Variants in DNAAF9 observed in about 807,000 individuals in gnomAD.
DNAAF9 encodes the protein shulin.
Under a neutral mutation model 167.0 loss-of-function variants are expected in DNAAF9, and 90 were observed. That is an observed-to-expected ratio of 0.54 (90% CI 0.45 to 0.64). The LOEUF is 0.64. Among genes scored for constraint, DNAAF9 ranks in the 30% least tolerant of loss-of-function variants. The pLI, the probability that DNAAF9 is intolerant of heterozygous loss-of-function variation, is 0.00. For missense variants in DNAAF9, 1,315 were observed against 1,442.2 expected, an observed-to-expected ratio of 0.91 and a Z score of 1.43; for synonymous variants, 491 against 508.8, an observed-to-expected ratio of 0.96 and a Z score of 0.47.
At chr20:3,376,080 C>T in intron 4 of DNAAF9, 98 bp downstream of exon 4, 3 of 1,101,840 alleles carry the variant, frequency 2.7e-6, no homozygotes, top group Non-Finnish European at 3.9e-6. Context: ...TATAGTCACA[C>T]TCTGCAATTT....
chr20:3,265,262 C>T (rs2068467831), intron 30 of DNAAF9, among the ~76,000 whole-genome samples: 1 of 151,878 alleles, frequency 6.6e-6, no homozygotes, highest in Non-Finnish European at 1.5e-5. Flanking sequence ...GGTCCACGAT[C>T]CAATCAAGAA....
chr20:3,300,091 C>T (rs2069157193), intron 21 of DNAAF9, among the ~76,000 whole-genome samples: 1 of 152,040 alleles, frequency 6.6e-6, no homozygotes, highest in Non-Finnish European at 1.5e-5. Flanking sequence ...TTAGTAGAAA[C>T]AGGGTTTCAC....
chr20:3,266,770 C>T (rs935209430), intron 30 of DNAAF9, among the ~76,000 whole-genome samples: 3 of 152,076 alleles, frequency 2.0e-5, no homozygotes, highest in Non-Finnish European at 2.9e-5. Flanking sequence ...AGCCACCATG[C>T]TCGGCTGATT....
intron 29 of DNAAF9, among the ~76,000 whole-genome samples, chr20:3,272,495 C>T (rs998828348): frequency 9.2e-5 from 14 of 152,136 alleles, no homozygotes; most frequent in African/African-American, 1.9e-4. Context: ...CTCTAAAGTG[C>T]TGGGATTACG....
chr20:3,387,780 G>A (rs1443714981), intron 1 of DNAAF9, among the ~76,000 whole-genome samples: 9 of 150,196 alleles, frequency 6.0e-5, no homozygotes, highest in African/African-American at 2.0e-4. Context: ...GGTGGTTCAT[G>A]CCTGTAATCT....
intron 12 of DNAAF9, among the ~76,000 whole-genome samples, chr20:3,330,331 C>T (rs1376368274): frequency 2.0e-5 from 3 of 152,144 alleles, no homozygotes; most frequent in Non-Finnish European, 1.5e-5. Flanking sequence ...AAATCTCGAC[C>T]TCCCAGGCTT....
intron 28 of DNAAF9, among the ~76,000 whole-genome samples, chr20:3,280,422 G>A (rs6037530): frequency 0.2 from 29,813 of 151,560 alleles, 3,140 homozygotes; most frequent in African/African-American, 0.25. Context: ...AAAATTAGCC[G>A]GGCATGGTGG....
At chr20:3,347,903 C>T (rs1226244891) in intron 8 of DNAAF9, among the ~76,000 whole-genome samples, 2 of 152,036 alleles carry the variant, frequency 1.3e-5, no homozygotes, top group African/African-American at 4.8e-5. Flanking sequence ...GCCTGGGCGA[C>T]AGAGTGAGAC....
At chr20:3,363,531 CT>C (rs756444381) in intron 6 of DNAAF9, among the ~76,000 whole-genome samples, 31,005 of 120,418 alleles carry the variant, frequency 0.26, 3,779 homozygotes, top group African/African-American at 0.35. Flanking sequence ...AAAGCAAACT[CT>C]TTTTTTTTTT....
Position 3,264,507 on chromosome 20 carries a change from A to C in DNAAF9, c.2804T>G (p.Leu935Arg). Residue 935 changes from leucine to arginine, a missense_variant, in exon 31 of 37, where the codon CTG becomes CGG. Leu to Arg is a moderately radical substitution (Grantham distance 102). Around this residue, in one of 2 missense-constraint regions of DNAAF9, gnomAD observed 334 missense variants for 429.7 expected, o/e 0.78. Coordinates refer to ENST00000252032, the MANE Select transcript of DNAAF9 (RefSeq NM_001009984.3). ...TGAAAAACTGTTTTCTGAGAGAATC[A>C]GCTCAATGTCTTCATTCCTTTGAAA... ...GIVTRNEDIELILSENSFSSP... is the reference protein window; with the variant it reads ...GIVTRNEDIERILSENSFSSP... 1 of 1,525,728 alleles carries C rather than the reference A, an allele frequency of 6.6e-7. No homozygotes were observed. The highest frequency in any genetic ancestry group is 9.1e-7 in the Non-Finnish European group (1 of 1,099,488). 94.5% of individuals were successfully genotyped at this position (1,525,728 alleles called of 1,614,324 possible).
intron 6 of DNAAF9, among the ~76,000 whole-genome samples, chr20:3,372,257 T>C (rs2083520581): frequency 2.0e-5 from 3 of 152,176 alleles, no homozygotes; most frequent in Admixed American, 6.5e-5. Context: ...AGCCCATCTG[T>C]AGGCCAAACT....
intron 10 of DNAAF9, among the ~76,000 whole-genome samples, chr20:3,337,407 G>A (rs558928010): frequency 1.3e-5 from 2 of 149,638 alleles, no homozygotes; most frequent in South Asian, 4.2e-4. Flanking sequence ...GGGACTACAG[G>A]CATGTGCCAC....
intron 10 of DNAAF9, among the ~76,000 whole-genome samples, chr20:3,334,966 G>A (rs6037554): frequency 0.21 from 31,298 of 152,140 alleles, 3,530 homozygotes; most frequent in African/African-American, 0.28. Context: ...ACAGTGACTG[G>A]CATTTACTAG....
At chr20:3,325,565 T>A (rs1474386207) in intron 13 of DNAAF9, among the ~76,000 whole-genome samples, 1 of 152,198 alleles carries the variant, frequency 6.6e-6, no homozygotes, top group Non-Finnish European at 1.5e-5. Context: ...GTCTCTCTGA[T>A]ATCTACATCA....
chr20:3,343,194 C>T (rs1419275631), intron 9 of DNAAF9, among the ~76,000 whole-genome samples: 1 of 152,190 alleles, frequency 6.6e-6, no homozygotes. Context: ...CAGAGTTTCA[C>T]TCTTGTTGCC....
intron 23 of DNAAF9, chr20:3,295,701 ACCG>A (rs199752035): frequency 0.023 from 13,183 of 585,004 alleles, 213 homozygotes; most frequent in African/African-American, 0.056. Flanking sequence ...TGGGCCTGCA[ACCG>A]TCCCCTTTTA....
chr20:3,260,345 C>CAAAAAAA lies in DNAAF9; in HGVS notation c.2874-324_2874-318dup, dbSNP rs773574489. 5.4e-3 allele frequency among the ~76,000 whole-genome samples: 802 copies of CAAAAAAA among 148,458 alleles called. 7 individuals carry two copies. Among genetic ancestry groups the CAAAAAAA allele is most frequent in the African/African-American group, 0.018 (745 of 40,500 alleles). On this transcript the variant is annotated intron_variant, in intron 31 of 36. Coordinates refer to ENST00000252032, the MANE Select transcript of DNAAF9 (RefSeq NM_001009984.3). ...TGGGCGACAGAGCAAGACTCCGTCTCAAAAAAAAAAATTTTAAGTACAAAT... is the reference window on the plus strand; with the variant it reads ...TGGGCGACAGAGCAAGACTCCGTCTCAAAAAAAAAAAAAAAAAATTTTAAGTACAAAT...
intron 8 of DNAAF9, 109 bp from the exon 9 acceptor site, chr20:3,343,840 CGTGTGTGTGTGT>C: frequency 1.5e-6 from 1 of 652,926 alleles, no homozygotes; most frequent in Non-Finnish European, 2.7e-6. Flanking sequence ...GAGTGCACAG[CGTGTGTGTGTGT>C]GTGTGTGCGT....
chr20:3,316,852 GCCC>G, intron 17 of DNAAF9, 59 bp from the exon 18 acceptor site: 18 of 1,181,810 alleles, frequency 1.5e-5, no homozygotes, highest in Non-Finnish European at 2.0e-5. Flanking sequence ...TGCCTTGCAG[GCCC>G]CAGACCCTAA....
Sources: allele counts gnomAD v4.1 joint callset (sites outside exome capture counted in the v4.1 genomes callset), GRCh38; gene constraint gnomAD v4.1.1; regional missense constraint gnomAD v4.1.1; transcripts MANE v1.5; gene names NCBI Gene and HGNC (gene_info 2026-07-23, HGNC 2026-07-21).